The following MAP4K5 variants were observed in gnomAD, a reference collection of about 807,000 sequenced individuals.
The protein encoded by MAP4K5 is mitogen-activated protein kinase kinase kinase kinase 5, also known as MAPK/ERK kinase kinase kinase 5.
A neutral mutation model predicts 135.6 loss-of-function variants in MAP4K5; 82 were observed. That is an observed-to-expected ratio of 0.60 (90% CI 0.51 to 0.73). The LOEUF is 0.73. MAP4K5 is among the 30% of genes least tolerant of loss of function. The probability of loss-of-function intolerance (pLI) is 0.00; values close to 1 mark genes in which losing one functional copy is unlikely to be tolerated. For missense variants in MAP4K5, 907 were observed against 1,010.9 expected (o/e 0.90, Z 1.39); for synonymous variants, 347 against 335.0 (o/e 1.04, Z -0.39).
Position 50,444,117 on chromosome 14 carries a change from A to G in MAP4K5, c.1340-81T>C, listed in dbSNP as rs895626092. ...AAAATTATTTCCCCTTTCTCCCACT[A>G]TTTGTCTTTCACTTGGGTGATCCTT... On this transcript the variant is annotated intron_variant, in intron 18 of 32. Transcript: ENST00000682126. The G allele has an allele frequency of 3.7e-5, 35 of 942,116 alleles. No individual in the cohort carries two copies. The African/African-American group carries it at 5.7e-4, about 15-fold the overall frequency. The allele number at this position is 942,116 out of a possible 1,614,324, so 58.4% of individuals were successfully genotyped here.
At chr14:50,513,145 A>G (rs2037963966) in intron 2 of MAP4K5, among the ~76,000 whole-genome samples, 2 of 152,334 alleles carry the variant, frequency 1.3e-5, no homozygotes, top group South Asian at 2.1e-4. Context: ...AATGGAATCA[A>G]TATCACTATA....
At chr14:50,513,837 T>C (rs2037978235) in intron 2 of MAP4K5, among the ~76,000 whole-genome samples, 1 of 152,144 alleles carries the variant, frequency 6.6e-6, no homozygotes, top group Non-Finnish European at 1.5e-5. Flanking sequence ...TCCAGACATC[T>C]CAATATTTTT....
chr14:50,467,489 T>C (rs961760906), intron 10 of MAP4K5, among the ~76,000 whole-genome samples: 24 of 152,208 alleles, frequency 1.6e-4, no homozygotes, highest in South Asian at 6.2e-4. Flanking sequence ...GTATTTATAA[T>C]TTTTTTCACT....
chr14:50,475,233 TTAA>T, intron 8 of MAP4K5, 84 bp from the exon 9 acceptor site: 1 of 957,250 alleles, frequency 1.0e-6, no homozygotes, highest in South Asian at 1.4e-5. Flanking sequence ...CATGGCAGTA[TTAA>T]TAATTCAAAT....
chr14:50,545,693 C>T (rs761228809), intron 1 of MAP4K5, among the ~76,000 whole-genome samples: 5 of 152,088 alleles, frequency 3.3e-5, no homozygotes, highest in East Asian at 1.9e-4. Flanking sequence ...AAGGCACATG[C>T]GAGTATCCAT....
chr14:50,548,440 C>G (rs2038661778), intron 1 of MAP4K5, among the ~76,000 whole-genome samples: 1 of 152,188 alleles, frequency 6.6e-6, no homozygotes, highest in African/African-American at 2.4e-5. Context: ...ACTAGAGATG[C>G]CACAAGGATG....
At chr14:50,545,706 C>T (rs935172306) in intron 1 of MAP4K5, among the ~76,000 whole-genome samples, 3 of 152,164 alleles carry the variant, frequency 2.0e-5, no homozygotes, top group Admixed American at 6.5e-5. Flanking sequence ...GTATCCATGT[C>T]GGCCCTGGTT....
At chr14:50,522,784 T>G (rs2038178866) in intron 2 of MAP4K5, among the ~76,000 whole-genome samples, 1 of 152,098 alleles carries the variant, frequency 6.6e-6, no homozygotes, top group Non-Finnish European at 1.5e-5. Flanking sequence ...TATCAAAAAA[T>G]AAGAAAGTAG....
Position 50,451,940 on chromosome 14 carries a change from G to C in MAP4K5, c.1016-3108C>G, listed in dbSNP as rs12589342. Among the ~76,000 whole-genome samples the C allele has an allele frequency of 2.1e-3, 319 of 152,234 alleles. 8 individuals carry two copies. The East Asian group carries it at 0.05, about 24-fold the overall frequency. ...CAAAGGCTTGACTTACAAGTTTTCT[G>C]ACTTTCTCGTGGTACAAAAGTGATA... On this transcript the variant is annotated intron_variant, in intron 14 of 32. Transcript: ENST00000682126.
rs769762485 is a variant in MAP4K5 at position 50,435,003 on chromosome 14, G to A, written c.1945C>T (p.Leu649Phe). 3 of 1,611,220 alleles carry A rather than the reference G, an allele frequency of 1.9e-6. No individual in the cohort carries two copies. The highest frequency in any genetic ancestry group is 3.3e-5 in the Admixed American group (2 of 59,958). ...CGALQSGIVL[L>F]QWYEPMQKFM... Reference sequence around the variant, plus strand: ...TTCTGCATTGGCTCATACCACTGAAGTAAAACAATTCCAGACTGTAAAGCT... The same window carrying A: ...TTCTGCATTGGCTCATACCACTGAAATAAAACAATTCCAGACTGTAAAGCT... The change falls in exon 27 of 33, where the codon CTT becomes TTT. Residue 649 changes from leucine (L) to phenylalanine (F), a missense_variant. Leu to Phe is a conservative substitution (Grantham distance 22). Coordinates refer to ENST00000682126, the MANE Select transcript of MAP4K5 (RefSeq NM_006575.6).
At chr14:50,486,797 G>T (rs923194665) in intron 3 of MAP4K5, among the ~76,000 whole-genome samples, 53 of 152,098 alleles carry the variant, frequency 3.5e-4, no homozygotes, top group African/African-American at 1.2e-3. Flanking sequence ...TGGGTGTGGT[G>T]GTGGCACCTG....
chr14:50,487,394 AAC>A (rs2037387890), intron 3 of MAP4K5, among the ~76,000 whole-genome samples: 1 of 152,242 alleles, frequency 6.6e-6, no homozygotes, highest in Non-Finnish European at 1.5e-5. Flanking sequence ...AACTTTTTTT[AAC>A]AGTCAATTCA....
In MAP4K5 at chr14:50,434,422, T is replaced by A. The variant is rs1343561575; in HGVS notation, c.2136A>T (p.Ala712=). Residue 712 remains alanine, a synonymous_variant, in exon 28 of 33, where the codon GCA becomes GCT. Coordinates refer to ENST00000682126, the MANE Select transcript of MAP4K5 (RefSeq NM_006575.6). ...VQFETINLNS[A]SSWFTEIGAG... is the part of the protein sequence containing the mutation. ...CACCAATTTCTGTAAACCATGAAGA[T>A]GCAGAGTTCAAATTGATTGTCTCAA... 6.2e-7 allele frequency: 1 copy of A among 1,609,072 alleles called. No homozygotes were observed. Among genetic ancestry groups the A allele is most frequent in the Non-Finnish European group, 8.5e-7 (1 of 1,177,632 alleles).
chr14:50,466,706 GA>G, intron 10 of MAP4K5, 61 bp from the exon 11 acceptor site: 1 of 756,602 alleles, frequency 1.3e-6, no homozygotes, highest in Non-Finnish European at 2.3e-6. Context: ...CAATTAGAAA[GA>G]ATATTCTGTA....
At chr14:50,441,434 A>G (rs1479396491) in intron 21 of MAP4K5, among the ~76,000 whole-genome samples, 1 of 152,126 alleles carries the variant, frequency 6.6e-6, no homozygotes, top group Non-Finnish European at 1.5e-5. Flanking sequence ...ATTCCCATCA[A>G]AAATGCATAA....
intron 21 of MAP4K5, among the ~76,000 whole-genome samples, chr14:50,441,915 C>T (rs1460897337): frequency 1.3e-5 from 2 of 151,958 alleles, no homozygotes; most frequent in Admixed American, 6.6e-5. Context: ...TGCCTAATAG[C>T]TTCTGTTTGC....
intron 1 of MAP4K5, among the ~76,000 whole-genome samples, chr14:50,544,535 A>G (rs2038603841): frequency 6.6e-6 from 1 of 152,210 alleles, no homozygotes; most frequent in Non-Finnish European, 1.5e-5. Flanking sequence ...AACAGGGTAC[A>G]CAAGACACAG....
intron 1 of MAP4K5, chr14:50,560,156 G>A (rs1172034596): frequency 7.5e-7 from 1 of 1,334,386 alleles, no homozygotes; most frequent in Non-Finnish European, 1.1e-6. Flanking sequence ...GAGTCTGAGC[G>A]AACTGCGCCC....
chr14:50,516,180 A>G (rs1445181218), intron 2 of MAP4K5, among the ~76,000 whole-genome samples: 4 of 152,230 alleles, frequency 2.6e-5, no homozygotes, highest in Admixed American at 2.6e-4. Flanking sequence ...TCCATTAGGA[A>G]CTGGTAAACT....
Sources: gnomAD v4.1 joint callset for allele counts (sites outside exome capture counted in the v4.1 genomes callset) on GRCh38, gnomAD v4.1.1 for gene constraint, MANE v1.5 for transcripts, NCBI Gene and HGNC (gene_info 2026-07-23, HGNC 2026-07-21) for gene names.